The following ANXA7 variants were observed in gnomAD, a reference collection of about 807,000 sequenced individuals.
The protein encoded by ANXA7 is annexin A7, also known as annexin VII.
ANXA7 carries 55 observed loss-of-function variants against 64.9 expected under a neutral mutation model. That is an observed-to-expected ratio of 0.85 (90% CI 0.68 to 1.06). The LOEUF is 1.06. ANXA7 is among the 50% of genes least tolerant of loss of function. ANXA7 has a pLI of 0.00. For missense variants in ANXA7, 548 were observed against 582.1 expected, an observed-to-expected ratio of 0.94 and a Z score of 0.60; for synonymous variants, 200 against 192.4, an observed-to-expected ratio of 1.04 and a Z score of -0.33.
intron 1 of ANXA7, among the ~76,000 whole-genome samples, chr10:73,407,303 CT>C (rs1160963072): frequency 6.6e-6 from 1 of 152,174 alleles, no homozygotes; most frequent in Admixed American, 6.5e-5. Flanking sequence ...TCACAAACTC[CT>C]GACCCCAAGT....
rs1217452940 is a variant in ANXA7, at chr10:73,393,980, CA to C, written c.435+2538del. Among the ~76,000 whole-genome samples, 5 of 152,194 alleles carry C rather than the reference CA, an allele frequency of 3.3e-5. No individual in the cohort carries two copies. In the East Asian group the frequency reaches 9.7e-4, roughly 29 times the overall value. On this transcript the variant is annotated intron_variant, in intron 5 of 12. Coordinates refer to ENST00000372921, the MANE Select transcript of ANXA7 (RefSeq NM_001156.5). The stretch of plus-strand genomic sequence containing the variant: ...ACCCATCTGACAAACGGCTAATATC[CA>C]AAATCTACAAAGAACTTAAACAAAT...
Position 73,387,418 on chromosome 10 carries a change from G to T in ANXA7, c.633+271C>A, listed in dbSNP as rs545687625. On this transcript the variant is annotated intron_variant, in intron 7 of 12. Coordinates refer to ENST00000372921, the MANE Select transcript of ANXA7 (RefSeq NM_001156.5). The stretch of plus-strand genomic sequence containing the variant: ...TAGTCCCAGCTACTCAGGAGGCTGA[G>T]GCAGGAGAATTGCTTGAACTCGGGA... Among the ~76,000 whole-genome samples the T allele has an allele frequency of 2.6e-5, 4 of 152,288 alleles. No homozygotes were observed. In the South Asian group the frequency reaches 6.2e-4, roughly 24 times the overall value.
intron 11 of ANXA7, 51 bp from the exon 12 acceptor site, chr10:73,379,074 T>C: frequency 1.6e-6 from 2 of 1,288,708 alleles, no homozygotes; most frequent in Non-Finnish European, 1.1e-6. Context: ...ACAAGAAGTG[T>C]ACCCCTCCAG....
intron 1 of ANXA7, among the ~76,000 whole-genome samples, chr10:73,401,250 C>CACACACAT (rs140056872): frequency 3.8e-4 from 56 of 146,016 alleles, no homozygotes; most frequent in African/African-American, 1.5e-3. Context: ...TACAGATATA[C>CACACACAT]ACACACATAC....
At chr10:73,395,224 A>G (rs78302682) in intron 5 of ANXA7, among the ~76,000 whole-genome samples, 1,588 of 152,192 alleles carry the variant, frequency 0.01, 29 homozygotes, top group African/African-American at 0.028. Context: ...AAGTTTCTCA[A>G]CCTCTCTGGA....
intron 1 of ANXA7, among the ~76,000 whole-genome samples, chr10:73,403,788 T>C (rs772054268): frequency 6.6e-6 from 1 of 152,266 alleles, no homozygotes; most frequent in Admixed American, 6.5e-5. Flanking sequence ...GAATTTTCCA[T>C]CTAACATCCT....
chr10:73,378,455 A>T (rs1297928161), intron 12 of ANXA7, among the ~76,000 whole-genome samples: 2 of 151,854 alleles, frequency 1.3e-5, no homozygotes, highest in African/African-American at 4.8e-5. Context: ...GAGTAAATAT[A>T]TAAAGTACAA....
At chr10:73,383,130 A>T in intron 9 of ANXA7, 45 bp downstream of exon 9, 1 of 1,518,880 alleles carries the variant, frequency 6.6e-7, no homozygotes, top group South Asian at 1.3e-5. Context: ...AGGCTTTTAA[A>T]GTATGTTCCC....
intron 5 of ANXA7, among the ~76,000 whole-genome samples, chr10:73,390,152 T>C (rs1284234672): frequency 6.6e-6 from 1 of 152,150 alleles, no homozygotes; most frequent in Non-Finnish European, 1.5e-5. Flanking sequence ...GTATTATCAT[T>C]TAAACATGCA....
intron 8 of ANXA7, 25 bp from the exon 9 acceptor site, chr10:73,383,370 T>C: frequency 1.3e-6 from 2 of 1,575,344 alleles, no homozygotes; most frequent in Non-Finnish European, 8.6e-7. Context: ...GGGAAGATTA[T>C]ACAAAGAAAA....
At position 73,376,174 on chromosome 10, in the gene ANXA7, T is replaced by C. The variant is rs1314530190; in HGVS notation, c.1322A>G (p.Gln441Arg). Reference protein sequence around the residue: ...QIKQMFAQMYQKTLGTMIAGD... With the variant: ...QIKQMFAQMYRKTLGTMIAGD... ...TGCAATCATTGTGCCCAGAGTCTTCTGATACATCTGAGCGAACATCTGTTT... is the reference window on the plus strand; with the variant it reads ...TGCAATCATTGTGCCCAGAGTCTTCCGATACATCTGAGCGAACATCTGTTT... Residue 441 changes from glutamine to arginine, a missense_variant, in exon 13 of 13, where the codon CAG (glutamine) becomes CGG (arginine). Coordinates refer to ENST00000372921, the MANE Select transcript of ANXA7 (RefSeq NM_001156.5). The C allele has an allele frequency of 1.1e-5, 18 of 1,604,910 alleles. No individual in the cohort carries two copies. Among genetic ancestry groups the C allele is most frequent in the Middle Eastern group, 1.7e-4 (1 of 6,032 alleles).
At chr10:73,386,557 T>A (rs144318937) in intron 7 of ANXA7, among the ~76,000 whole-genome samples, 3 of 152,268 alleles carry the variant, frequency 2.0e-5, no homozygotes, top group Non-Finnish European at 4.4e-5. Context: ...AAGCCAAATC[T>A]TAAAGAAGTT....
At chr10:73,390,721 A>ATATAT (rs1564526498) in intron 5 of ANXA7, among the ~76,000 whole-genome samples, 9 of 107,728 alleles carry the variant, frequency 8.4e-5, no homozygotes, top group East Asian at 4.2e-4. Context: ...TATATATATA[A>ATATAT]AAATATATAT....
chr10:73,400,831 G>T lies in ANXA7; in HGVS notation c.26C>A (p.Thr9Lys), dbSNP rs749934344. 9 of 1,605,096 alleles carry T rather than the reference G, an allele frequency of 5.6e-6. No individual in the cohort carries two copies. Among genetic ancestry groups the T allele is most frequent in the Admixed American group, 3.4e-5 (2 of 58,980 alleles). Residue 9 changes from threonine to lysine, a missense_variant, in exon 2 of 13, where the codon ACA (threonine) becomes AAA (lysine). Transcript: ENST00000372921. ...ATATCCAGGGAAAGGTGGGTAGCCT[G>T]TTGGGGGATAGCCTGGGTATGACAT... is the stretch of plus-strand genomic sequence containing the variant. Reference protein sequence around the residue: MSYPGYPPTGYPPFPGYPP... With the variant: MSYPGYPPKGYPPFPGYPP...
intron 5 of ANXA7, among the ~76,000 whole-genome samples, chr10:73,391,182 A>G (rs1342906877): frequency 6.6e-6 from 1 of 151,652 alleles, no homozygotes; most frequent in Non-Finnish European, 1.5e-5. Flanking sequence ...AAAAAAAAAA[A>G]AAAAAGAGAG....
Position 73,383,346 on chromosome 10 carries a change from C to T in ANXA7, c.748-1G>A. ...ATACACGTTCCTGAGTTCCTGCTCC[C>T]TACATGAAATGAAGGGAAGATTATA... is the stretch of plus-strand genomic sequence containing the variant. On this transcript the variant is annotated splice_acceptor_variant, in intron 8 of 12. Transcript: ENST00000372921. LOFTEE classifies it high-confidence loss of function. 1 of 1,603,598 alleles carries T rather than the reference C, an allele frequency of 6.2e-7. No homozygotes were observed. Among genetic ancestry groups the T allele is most frequent in the Non-Finnish European group, 8.5e-7 (1 of 1,174,686 alleles).
At chr10:73,377,927 G>A (rs1393814809) in intron 12 of ANXA7, among the ~76,000 whole-genome samples, 1 of 147,130 alleles carries the variant, frequency 6.8e-6, no homozygotes, top group East Asian at 2.0e-4. Flanking sequence ...GTGTGTGTGT[G>A]TGTGCGCGCG....
At chr10:73,380,421 G>C (rs940921677) in intron 9 of ANXA7, among the ~76,000 whole-genome samples, 2 of 151,752 alleles carry the variant, frequency 1.3e-5, no homozygotes, top group Non-Finnish European at 2.9e-5. Flanking sequence ...AGGCACAAAC[G>C]ACCATGCCTG....
intron 1 of ANXA7, among the ~76,000 whole-genome samples, chr10:73,403,705 G>A (rs945442435): frequency 6.6e-6 from 1 of 152,186 alleles, no homozygotes; most frequent in African/African-American, 2.4e-5. Context: ...AAGGGGTAAA[G>A]GTGAATGTGA....
Sources: allele counts gnomAD v4.1 joint callset (sites outside exome capture counted in the v4.1 genomes callset), GRCh38; gene constraint gnomAD v4.1.1; transcripts MANE v1.5; gene names NCBI Gene and HGNC (gene_info 2026-07-23, HGNC 2026-07-21).